Variants in NCK1 observed in about 807,000 individuals in gnomAD.
NCK1 encodes SH2/SH3 adapter protein NCK1.
NCK1 carries 19 observed loss-of-function variants against 36.6 expected under a neutral mutation model. That is an observed-to-expected ratio of 0.52 (90% CI 0.36 to 0.76). NCK1 has a LOEUF of 0.76. Among genes scored for constraint, NCK1 ranks in the 30% least tolerant of loss-of-function variants. The pLI is 0.00. For synonymous variants in NCK1, 165 were observed against 156.0 expected (o/e 1.06, Z -0.43); for missense variants, 358 against 445.6 (o/e 0.80, Z 1.77).
At chr3:136,902,302 G>T (rs1483911829) in intron 1 of NCK1, among the ~76,000 whole-genome samples, 1 of 151,378 alleles carries the variant, frequency 6.6e-6, no homozygotes, top group Non-Finnish European at 1.5e-5. Context: ...GGTTCAAGCA[G>T]TTCTTGTGCC....
intron 1 of NCK1, chr3:136,900,209 C>T (rs549385921): frequency 1.3e-5 from 3 of 223,192 alleles, no homozygotes; most frequent in East Asian, 2.6e-4. Context: ...GTGCAGAAGC[C>T]TTTTTTGTTG....
At chr3:136,905,727 G>A (rs1939666610) in intron 1 of NCK1, among the ~76,000 whole-genome samples, 1 of 151,916 alleles carries the variant, frequency 6.6e-6, no homozygotes, top group Non-Finnish European at 1.5e-5. Context: ...CTGGGCTCAG[G>A]TAATCCCTCA....
Position 136,928,218 on chromosome 3 carries a change from G to T in NCK1, c.217G>T (p.Asp73Tyr). Residue 73 changes from aspartate (D) to tyrosine (Y), a missense_variant, in exon 2 of 4, where the codon GAT becomes TAT. Coordinates refer to ENST00000481752, the MANE Select transcript of NCK1 (RefSeq NM_001291999.2). The stretch of plus-strand genomic sequence containing the variant: ...AGCATCTATTGTGAAAAACCTAAAG[G>T]ATACCTTAGGTAAGATATTTTTTAA... ...RKASIVKNLK[D>Y]TLGIGKVKRK... is the part of the protein sequence containing the mutation. The T allele has an allele frequency of 6.2e-7, 1 of 1,608,000 alleles. No homozygotes were observed. Among genetic ancestry groups the T allele is most frequent in the Non-Finnish European group, 8.5e-7 (1 of 1,177,920 alleles).
chr3:136,924,764 T>C (rs1285167886), intron 1 of NCK1, among the ~76,000 whole-genome samples: 1 of 152,190 alleles, frequency 6.6e-6, no homozygotes, highest in Non-Finnish European at 1.5e-5. Context: ...GCTTAACCCA[T>C]TTGTGCCTAG....
chr3:136,947,743 G>A (rs748702315), intron 3 of NCK1, among the ~76,000 whole-genome samples: 1 of 152,028 alleles, frequency 6.6e-6, no homozygotes, highest in Non-Finnish European at 1.5e-5. Flanking sequence ...GCTCTTGTAG[G>A]CATTTGAGTT....
At chr3:136,864,943 TA>T (rs1413107625) in intron 1 of NCK1, among the ~76,000 whole-genome samples, 1 of 148,136 alleles carries the variant, frequency 6.8e-6, no homozygotes, top group Non-Finnish European at 1.5e-5. Flanking sequence ...TATATATATA[TA>T]TTTTTCTTTT....
At chr3:136,867,062 TTC>T (rs1292603152) in intron 1 of NCK1, among the ~76,000 whole-genome samples, 2 of 322 alleles carry the variant, frequency 6.2e-3, no homozygotes, top group Non-Finnish European at 0.011. Context: ...CTTTCTTTCT[TTC>T]TTTCTTTCTT....
chr3:136,926,898 T>G (rs1401848381), intron 1 of NCK1, among the ~76,000 whole-genome samples: 1 of 152,208 alleles, frequency 6.6e-6, no homozygotes, highest in East Asian at 1.9e-4. Context: ...GAAGCAATAT[T>G]CTGTATATGT....
At chr3:136,936,033 A>C (rs1432822528) in intron 2 of NCK1, among the ~76,000 whole-genome samples, 1 of 137,034 alleles carries the variant, frequency 7.3e-6, no homozygotes, top group Non-Finnish European at 1.5e-5. Context: ...TTTATGTCTA[A>C]ATAACTTTTT....
intron 2 of NCK1, 41 bp from the exon 3 acceptor site, chr3:136,945,542 T>G: frequency 7.2e-7 from 1 of 1,387,048 alleles, no homozygotes; most frequent in Non-Finnish European, 9.9e-7. Flanking sequence ...GGTAATCATT[T>G]TTTTATATTC....
chr3:136,886,817 CTTT>C (rs35976394), intron 1 of NCK1, among the ~76,000 whole-genome samples: 91,543 of 136,902 alleles, frequency 0.67, 30,368 homozygotes, highest in East Asian at 0.86. Context: ...CATGATCAGT[CTTT>C]TTTTTTTTTT....
intron 1 of NCK1, among the ~76,000 whole-genome samples, chr3:136,925,711 A>T (rs900306365): frequency 2.0e-5 from 3 of 152,104 alleles, no homozygotes; most frequent in Non-Finnish European, 4.4e-5. Context: ...TTTTGGTATG[A>T]ACGTACCAGT....
intron 1 of NCK1, among the ~76,000 whole-genome samples, chr3:136,887,451 G>T (rs538291496): frequency 1.3e-5 from 2 of 152,324 alleles, no homozygotes; most frequent in African/African-American, 4.8e-5. Flanking sequence ...GCAGGAAGGT[G>T]AGGAAAGAAG....
chr3:136,878,978 C>T (rs2108075682), intron 1 of NCK1, among the ~76,000 whole-genome samples: 1 of 152,132 alleles, frequency 6.6e-6, no homozygotes, highest in East Asian at 1.9e-4. Flanking sequence ...CTTACTAACC[C>T]AAGAAGAGAA....
At position 136,946,266 on chromosome 3, in the gene NCK1, G is replaced by T; in HGVS notation, c.910G>T (p.Asp304Tyr). 1 of 1,612,674 alleles carries T rather than the reference G, an allele frequency of 6.2e-7. No homozygotes were observed. ...ATTAAATGAAAGAGGACATGAAGGGGATTTCCTCATTCGTGATAGTGAATC... is the reference window on the plus strand; with the variant it reads ...ATTAAATGAAAGAGGACATGAAGGGTATTTCCTCATTCGTGATAGTGAATC... ...MALNERGHEG[D>Y]FLIRDSESSP... is the part of the protein sequence containing the mutation. Residue 304 changes from aspartate to tyrosine, a missense_variant, in exon 3 of 4, where the codon GAT (aspartate) becomes TAT (tyrosine). This residue lies in a region of NCK1 where 207 missense variants were observed against 253.4 expected (regional missense o/e 0.82). Transcript: ENST00000481752.
intron 1 of NCK1, among the ~76,000 whole-genome samples, chr3:136,863,019 T>C (rs1318682621): frequency 3.1e-4 from 5 of 15,986 alleles, no homozygotes; most frequent in Non-Finnish European, 6.2e-4. Flanking sequence ...TTTGTAACCT[T>C]TCTTCTGTAT....
chr3:136,873,990 A>C (rs58850362), intron 1 of NCK1, among the ~76,000 whole-genome samples: 1 of 152,164 alleles, frequency 6.6e-6, no homozygotes, highest in African/African-American at 2.4e-5. Flanking sequence ...GTGGATGGCT[A>C]CTTTTGCTTA....
chr3:136,888,717 A>G (rs192999010), intron 1 of NCK1, among the ~76,000 whole-genome samples: 1 of 151,982 alleles, frequency 6.6e-6, no homozygotes, highest in Non-Finnish European at 1.5e-5. Flanking sequence ...TGTCACCCCT[A>G]ACCTCCCCTC....
chr3:136,941,799 A>G (rs1940684356), intron 2 of NCK1, among the ~76,000 whole-genome samples: 1 of 151,856 alleles, frequency 6.6e-6, no homozygotes, highest in South Asian at 2.1e-4. Context: ...TATGACTTCA[A>G]ATTACTGTCC....
Sources: allele counts gnomAD v4.1 joint callset (sites outside exome capture counted in the v4.1 genomes callset), GRCh38; gene constraint gnomAD v4.1.1; regional missense constraint gnomAD v4.1.1; transcripts MANE v1.5; gene names NCBI Gene and HGNC (gene_info 2026-07-23, HGNC 2026-07-21).